Variants in SPACA7 observed in about 807,000 individuals in gnomAD.
SPACA7 encodes sperm acrosome-associated protein 7.
A neutral mutation model predicts 26.3 loss-of-function variants in SPACA7; 19 were observed. The ratio of observed to expected loss-of-function variants is 0.72; its 90% CI spans 0.50 to 1.06. The LOEUF is 1.06. Ranked by LOEUF, SPACA7 falls within the 50% of genes least tolerant of loss-of-function variation. The pLI is 0.00. For synonymous variants in SPACA7, 84 were observed against 84.5 expected, an observed-to-expected ratio of 0.99 and a Z score of 0.04; for missense variants, 211 against 229.9, an observed-to-expected ratio of 0.92 and a Z score of 0.53.
chr13:112,398,561 A>G (rs1885434025), intron 3 of SPACA7, among the ~76,000 whole-genome samples: 1 of 152,214 alleles, frequency 6.6e-6, no homozygotes, highest in Non-Finnish European at 1.5e-5. Flanking sequence ...GACAGAAGGT[A>G]AAACCAAGGT....
At chr13:112,430,174 C>CTCTGTG (rs1366577519) in intron 5 of SPACA7, among the ~76,000 whole-genome samples, 2 of 134,210 alleles carry the variant, frequency 1.5e-5, no homozygotes, top group African/African-American at 5.5e-5. Context: ...ATCTCTCTCT[C>CTCTGTG]TGTGTGTGTG....
At chr13:112,383,071 A>AGAAG (rs1465359266) in intron 1 of SPACA7, among the ~76,000 whole-genome samples, 5 of 142,688 alleles carry the variant, frequency 3.5e-5, no homozygotes, top group African/African-American at 5.2e-5. Context: ...AGACAGAAAG[A>AGAAG]GAAAGAAAGA....
chr13:112,411,556 T>A (rs1177546463), intron 5 of SPACA7, among the ~76,000 whole-genome samples: 2 of 152,110 alleles, frequency 1.3e-5, no homozygotes, highest in African/African-American at 4.8e-5. Context: ...TCTAACTGTA[T>A]TTTTGTTCCC....
rs544215930 is a variant in SPACA7 at position 112,413,311 on chromosome 13, C to G, written c.445+12147C>G. Among the ~76,000 whole-genome samples, 6 of 150,762 alleles carry G rather than the reference C, an allele frequency of 4.0e-5. No homozygotes were observed. In the South Asian group the frequency reaches 1.3e-3, roughly 31 times the overall value. On this transcript the variant is annotated intron_variant, in intron 5 of 6. Transcript: ENST00000283550. ...CTTTTGTTTGTCTGGGAAAGTATTT[C>G]TTTTTCAGGTTTGAAGGATAGCTTT...
At chr13:112,404,976 TTC>T (rs1445984148) in intron 5 of SPACA7, among the ~76,000 whole-genome samples, 2 of 132,800 alleles carry the variant, frequency 1.5e-5, no homozygotes, top group African/African-American at 5.7e-5. Flanking sequence ...TTGTATTCTC[TTC>T]TTTTTTTTTT....
intron 5 of SPACA7, among the ~76,000 whole-genome samples, chr13:112,419,009 T>G (rs1390055436): frequency 6.7e-6 from 1 of 148,524 alleles, no homozygotes. Context: ...GAGACAAGAG[T>G]GAGACTCCAT....
Position 112,378,375 on chromosome 13 carries a change from T to C in SPACA7, c.94+1896T>C, listed in dbSNP as rs573338774. Among the ~76,000 whole-genome samples the C allele has an allele frequency of 2.7e-4, 41 of 152,350 alleles. No homozygotes were observed. The South Asian group carries it at 8.3e-3, about 31-fold the overall frequency. On this transcript the variant is annotated intron_variant, in intron 1 of 6. Transcript: ENST00000283550. ...ATAAAATATGGCTCTATGGTCACCC[T>C]CTTTTTTTGATCAAGATAACCAAAG...
intron 5 of SPACA7, among the ~76,000 whole-genome samples, chr13:112,403,626 T>C (rs1885786160): frequency 6.6e-6 from 1 of 152,186 alleles, no homozygotes. Context: ...TTCTTATGCC[T>C]TTCCATCCTC....
chr13:112,380,726 T>A (rs1594233642), intron 1 of SPACA7, among the ~76,000 whole-genome samples: 1 of 152,238 alleles, frequency 6.6e-6, no homozygotes, highest in African/African-American at 2.4e-5. Context: ...AAAAACACAT[T>A]CTTCATATCA....
intron 5 of SPACA7, among the ~76,000 whole-genome samples, chr13:112,425,440 C>T (rs564432650): frequency 1.3e-5 from 2 of 152,226 alleles, no homozygotes; most frequent in Non-Finnish European, 2.9e-5. Context: ...TCGGCCCGGC[C>T]GCTGGAGCCA....
At chr13:112,395,546 C>T (rs1376028823) in intron 2 of SPACA7, among the ~76,000 whole-genome samples, 1 of 152,228 alleles carries the variant, frequency 6.6e-6, no homozygotes, top group Non-Finnish European at 1.5e-5. Flanking sequence ...TCTCAACTCA[C>T]TGCAACCTCC....
intron 2 of SPACA7, among the ~76,000 whole-genome samples, chr13:112,397,731 G>C (rs1048381879): frequency 1.3e-5 from 2 of 152,226 alleles, no homozygotes; most frequent in African/African-American, 4.8e-5. Flanking sequence ...ATGGGACAGA[G>C]GGACCCAGGG....
chr13:112,402,175 A>G (rs1885690200), intron 5 of SPACA7, among the ~76,000 whole-genome samples: 2 of 152,232 alleles, frequency 1.3e-5, no homozygotes, highest in Non-Finnish European at 2.9e-5. Flanking sequence ...TCTAAGAATA[A>G]GTAATGTCTT....
intron 1 of SPACA7, among the ~76,000 whole-genome samples, chr13:112,377,521 G>C (rs1407196481): frequency 6.6e-6 from 1 of 152,234 alleles, no homozygotes; most frequent in Non-Finnish European, 1.5e-5. Context: ...CTGAAAGGAA[G>C]CCAAGGCAAT....
chr13:112,425,859 C>T (rs1381989409), intron 5 of SPACA7, among the ~76,000 whole-genome samples: 4 of 152,180 alleles, frequency 2.6e-5, no homozygotes, highest in Middle Eastern at 3.2e-3. Context: ...GCCCACATCA[C>T]GGGTCCTAGA....
At chr13:112,397,870 G>A (rs528330828) in intron 2 of SPACA7, among the ~76,000 whole-genome samples, 179 bp from the exon 3 acceptor site, 1 of 152,098 alleles carries the variant, frequency 6.6e-6, no homozygotes, top group African/African-American at 2.4e-5. Context: ...GCAGCGGCCT[G>A]CCCACCCAGA....
At chr13:112,402,855 G>A (rs576244231) in intron 5 of SPACA7, among the ~76,000 whole-genome samples, 25 of 152,026 alleles carry the variant, frequency 1.6e-4, no homozygotes, top group Non-Finnish European at 3.4e-4. Context: ...ATTTGGTCAT[G>A]TTGATTATAT....
At chr13:112,383,210 G>A (rs1342539163) in intron 1 of SPACA7, among the ~76,000 whole-genome samples, 2 of 141,512 alleles carry the variant, frequency 1.4e-5, no homozygotes, top group Non-Finnish European at 3.2e-5. Context: ...AAGAAAGAAA[G>A]GAAAGAAGGA....
intron 5 of SPACA7, among the ~76,000 whole-genome samples, chr13:112,411,729 C>T (rs1188054691): frequency 6.6e-6 from 1 of 152,090 alleles, no homozygotes; most frequent in Non-Finnish European, 1.5e-5. Context: ...ACCTAATGTC[C>T]TTCAGTTCCA....
Sources: allele counts gnomAD v4.1 joint callset (sites outside exome capture counted in the v4.1 genomes callset), GRCh38; gene constraint gnomAD v4.1.1; transcripts MANE v1.5; gene names NCBI Gene and HGNC (gene_info 2026-07-23, HGNC 2026-07-21).